Variants in SEL1L3 observed in about 807,000 individuals in gnomAD.
SEL1L3 encodes the protein SEL1L family member 3.
Under a neutral mutation model 142.8 loss-of-function variants are expected in SEL1L3, and 76 were observed. That is an observed-to-expected ratio of 0.53 (90% CI 0.44 to 0.64). SEL1L3 has a LOEUF of 0.64. Among genes scored for constraint, SEL1L3 ranks in the 30% least tolerant of loss-of-function variants. The pLI, the probability that SEL1L3 is intolerant of heterozygous loss-of-function variation, is 0.00. For missense variants in SEL1L3, 1,262 were observed against 1,381.7 expected, an observed-to-expected ratio of 0.91 and a Z score of 1.37; for synonymous variants, 504 against 519.6, an observed-to-expected ratio of 0.97 and a Z score of 0.41.
Position 25,776,271 on chromosome 4 carries a change from G to A in SEL1L3, c.2669+6C>T. 6.2e-7 allele frequency: 1 copy of A among 1,604,250 alleles called. No homozygotes were observed. Among genetic ancestry groups the A allele is most frequent in the East Asian group, 2.2e-5 (1 of 44,796 alleles). The stretch of plus-strand genomic sequence containing the variant: ...AAGTTTGCTCTAACGTGGATCCCAA[G>A]CTTACCATGAACCTTCCAGGTAGGC... On this transcript the variant is annotated splice_donor_region_variant and intron_variant, in intron 17 of 23. Coordinates refer to ENST00000399878, the MANE Select transcript of SEL1L3 (RefSeq NM_015187.5).
Position 25,816,086 on chromosome 4 carries a change from CTTATATATTATATAT to C in SEL1L3, c.1564+2037_1564+2051del, listed in dbSNP as rs981787711. Among the ~76,000 whole-genome samples the C allele has an allele frequency of 1.1e-3, 159 of 146,080 alleles. 1 individual carries two copies. The highest frequency in any genetic ancestry group is 3.6e-3 in the Middle Eastern group (1 of 276). ...CTTATATAATAATCTATATTATATACTTATATATTATATATTTATATATTATATATTATATGATAT... is the reference window on the plus strand; with the variant it reads ...CTTATATAATAATCTATATTATATACTTATATATTATATATTATATGATAT... On this transcript the variant is annotated intron_variant, in intron 9 of 23. Coordinates refer to ENST00000399878, the MANE Select transcript of SEL1L3 (RefSeq NM_015187.5).
At chr4:25,814,964 T>C (rs750029551) in intron 9 of SEL1L3, among the ~76,000 whole-genome samples, 13 of 152,056 alleles carry the variant, frequency 8.5e-5, no homozygotes, top group Non-Finnish European at 1.5e-4. Context: ...GGCTCCCCAG[T>C]CCTTCCAATG....
At chr4:25,850,005 C>G (rs1451409809) in intron 1 of SEL1L3, among the ~76,000 whole-genome samples, 1 of 152,098 alleles carries the variant, frequency 6.6e-6, no homozygotes, top group Admixed American at 6.6e-5. Context: ...AAAAGAAGTT[C>G]TTCACGTAGA....
At chr4:25,861,086 G>C (rs34691452) in intron 1 of SEL1L3, among the ~76,000 whole-genome samples, 25,454 of 152,020 alleles carry the variant, frequency 0.17, 2,608 homozygotes, top group African/African-American at 0.28. Flanking sequence ...TTTTCGGCCC[G>C]GCCCATTTGT....
At chr4:25,823,502 G>A (rs1714900672) in intron 6 of SEL1L3, among the ~76,000 whole-genome samples, 1 of 151,848 alleles carries the variant, frequency 6.6e-6, no homozygotes, top group African/African-American at 2.4e-5. Flanking sequence ...TGACAAGAGC[G>A]AGACTCCATG....
At chr4:25,748,984 C>T (rs1391129534) in intron 23 of SEL1L3, among the ~76,000 whole-genome samples, 2 of 152,032 alleles carry the variant, frequency 1.3e-5, no homozygotes, top group South Asian at 2.1e-4. Context: ...AATGATGTAC[C>T]CTTTCTAAGG....
downstream of SEL1L3, among the ~76,000 whole-genome samples, chr4:25,746,408 A>G (rs1717260605): frequency 6.7e-6 from 1 of 149,574 alleles, no homozygotes; most frequent in African/African-American, 2.5e-5. Flanking sequence ...AGTCCCTGCT[A>G]CTCGGAGGCT....
chr4:25,742,323 C>T, the SEL1L3 span, among the ~76,000 whole-genome samples: 1,722 of 152,022 alleles, frequency 0.011, 19 homozygotes, highest in Non-Finnish European at 0.019. Context: ...GTATCTAGGA[C>T]CACAGACATG....
intron 11 of SEL1L3, among the ~76,000 whole-genome samples, chr4:25,796,756 G>T (rs1012599406): frequency 6.6e-6 from 1 of 151,712 alleles, no homozygotes; most frequent in African/African-American, 2.4e-5. Context: ...ACTCCAGAGG[G>T]ACTCTATCTC....
chr4:25,838,871 A>G (rs1197229509), intron 2 of SEL1L3, among the ~76,000 whole-genome samples: 1 of 152,222 alleles, frequency 6.6e-6, no homozygotes, highest in Non-Finnish European at 1.5e-5. Context: ...CCTGACACAG[A>G]TCCCTTGCTT....
chr4:25,784,541 C>A (rs1376774641), intron 13 of SEL1L3, among the ~76,000 whole-genome samples: 1 of 152,194 alleles, frequency 6.6e-6, no homozygotes, highest in Non-Finnish European at 1.5e-5. Flanking sequence ...TCAGTTGCAA[C>A]CCTGTCAATC....
At chr4:25,757,399 G>T in intron 23 of SEL1L3, 135 bp downstream of exon 23, 1 of 690,508 alleles carries the variant, frequency 1.4e-6, no homozygotes, top group Non-Finnish European at 2.4e-6. Flanking sequence ...CCACCCTAGG[G>T]ATAGGAGATA....
intron 17 of SEL1L3, among the ~76,000 whole-genome samples, chr4:25,772,387 G>T (rs1263971437): frequency 6.6e-6 from 1 of 152,164 alleles, no homozygotes; most frequent in African/African-American, 2.4e-5. Context: ...TGGTGGGCAA[G>T]AGAGTAAATT....
At chr4:25,831,317 C>T (rs901014537) in intron 5 of SEL1L3, among the ~76,000 whole-genome samples, 1 of 151,790 alleles carries the variant, frequency 6.6e-6, no homozygotes, top group African/African-American at 2.4e-5. Context: ...TCCAGTCAAA[C>T]TAGTTTGTCT....
rs75650015 is a variant in SEL1L3 at position 25,776,645 on chromosome 4, C to T, written c.2586-285G>A. On this transcript the variant is annotated intron_variant, in intron 16 of 23. Coordinates refer to ENST00000399878, the MANE Select transcript of SEL1L3 (RefSeq NM_015187.5). ...CCAATATGAAAAAATATAATCTCTACCAAGAGTTCTAGTACTCTATTAAGT... is the reference window on the plus strand; with the variant it reads ...CCAATATGAAAAAATATAATCTCTATCAAGAGTTCTAGTACTCTATTAAGT... The T allele has an allele frequency of 2.8e-3, 919 of 331,430 alleles. 8 individuals carry two copies. In the East Asian group the frequency reaches 0.034, roughly 12 times the overall value. 20.5% of individuals were successfully genotyped at this position (331,430 alleles called of 1,614,324 possible).
intron 11 of SEL1L3, among the ~76,000 whole-genome samples, chr4:25,799,473 G>A (rs539333573): frequency 2.6e-5 from 4 of 152,240 alleles, no homozygotes; most frequent in East Asian, 3.9e-4. Context: ...TCTGATTTCC[G>A]AGTATAGTTC....
chr4:25,830,265 G>A (rs1274011257), intron 5 of SEL1L3, 109 bp from the exon 6 acceptor site: 1 of 632,078 alleles, frequency 1.6e-6, no homozygotes, highest in Non-Finnish European at 2.8e-6. Flanking sequence ...TCTTTTACCT[G>A]ATCAGTTTCT....
chr4:25,728,696 G>T, the SEL1L3 span, among the ~76,000 whole-genome samples: 2 of 152,042 alleles, frequency 1.3e-5, no homozygotes, highest in South Asian at 4.1e-4. Flanking sequence ...GGAGGCTGAA[G>T]CGGGAGGATC....
chr4:25,854,387 C>T (rs1023960245), intron 1 of SEL1L3, among the ~76,000 whole-genome samples: 1 of 152,216 alleles, frequency 6.6e-6, no homozygotes, highest in Non-Finnish European at 1.5e-5. Flanking sequence ...AAGTGATTCT[C>T]GTGCCTCAGC....
Sources: allele counts gnomAD v4.1 joint callset (sites outside exome capture counted in the v4.1 genomes callset), GRCh38; gene constraint gnomAD v4.1.1; transcripts MANE v1.5; gene names NCBI Gene and HGNC (gene_info 2026-07-23, HGNC 2026-07-21).